The following IGFL2 variants were observed in gnomAD, a reference collection of about 807,000 sequenced individuals.
The protein encoded by IGFL2 is insulin growth factor-like family member 2.
In IGFL2, 7 loss-of-function variants were observed where a neutral mutation model predicts 13.9. That is an observed-to-expected ratio of 0.51 (90% CI 0.29 to 0.95). IGFL2 has a LOEUF of 0.95. IGFL2 is among the 40% of genes least tolerant of loss of function. The probability of loss-of-function intolerance (pLI) is 0.08; values close to 1 mark genes in which losing one functional copy is unlikely to be tolerated. For synonymous variants in IGFL2, 55 were observed against 55.8 expected (o/e 0.99, Z 0.07); for missense variants, 138 against 147.8 (o/e 0.93, Z 0.34).
At chr19:46,164,687 G>T (rs573618005), downstream of IGFL2, 1 of 152,224 alleles carries the variant, frequency 6.6e-6, no homozygotes, top group Non-Finnish European at 1.5e-5. Context: ...TACGTCTTGC[G>T]TGAGGGATAT....
At chr19:46,133,689 G>T in the IGFL2 span, among the ~76,000 whole-genome samples, 2 of 152,166 alleles carry the variant, frequency 1.3e-5, no homozygotes, top group South Asian at 2.1e-4. Flanking sequence ...ATTAGCACAG[G>T]TCTTTGAGTA....
At chr19:46,087,580 C>T in the IGFL2 span, among the ~76,000 whole-genome samples, 1 of 152,224 alleles carries the variant, frequency 6.6e-6, no homozygotes, top group Non-Finnish European at 1.5e-5. Flanking sequence ...AGGAGCTGCA[C>T]TGCGGCCATG....
the IGFL2 span, among the ~76,000 whole-genome samples, chr19:46,192,501 C>A: frequency 2.0e-5 from 3 of 151,222 alleles, no homozygotes; most frequent in Non-Finnish European, 2.9e-5. Flanking sequence ...CTCACTGCAA[C>A]CTCCACCTCC....
the IGFL2 span, among the ~76,000 whole-genome samples, chr19:46,131,834 G>C: frequency 1.4e-4 from 22 of 152,152 alleles, 1 homozygote; most frequent in East Asian, 1.7e-3. Flanking sequence ...AGCTACTCGG[G>C]AGGCTGAAGT....
chr19:46,080,644 G>A, the IGFL2 span, among the ~76,000 whole-genome samples: 2 of 152,232 alleles, frequency 1.3e-5, no homozygotes, highest in African/African-American at 4.8e-5. Flanking sequence ...AGCATTGTGA[G>A]TGTCAAGGGG....
the IGFL2 span, among the ~76,000 whole-genome samples, chr19:46,137,810 G>T: frequency 6.6e-6 from 1 of 152,200 alleles, no homozygotes; most frequent in Non-Finnish European, 1.5e-5. Flanking sequence ...GGTCTATTCT[G>T]TTGTGAATAC....
chr19:46,181,154 C>G, the IGFL2 span: 1 of 152,194 alleles, frequency 6.6e-6, no homozygotes, highest in South Asian at 2.1e-4. Flanking sequence ...CATCTTGCTT[C>G]CAGCCTCACT....
At chr19:46,124,392 A>AAC in the IGFL2 span, 764 of 1,469,558 alleles carry the variant, frequency 5.2e-4, 49 homozygotes, top group African/African-American at 9.7e-3. Context: ...CAAACAAACA[A>AAC]ACAAACAGAG....
At chr19:46,153,130 T>C (rs1206085076) in intron 1 of IGFL2, among the ~76,000 whole-genome samples, 2 of 152,248 alleles carry the variant, frequency 1.3e-5, no homozygotes, top group East Asian at 3.8e-4. Flanking sequence ...TGTAGTTTTT[T>C]TTCCTTGTGA....
the IGFL2 span, chr19:46,195,918 G>T: frequency 2.0e-5 from 3 of 152,358 alleles, no homozygotes; most frequent in Non-Finnish European, 4.4e-5. Context: ...TAACATTGTG[G>T]CTGTGTGAGT....
chr19:46,097,414 T>C, the IGFL2 span, among the ~76,000 whole-genome samples: 4 of 152,346 alleles, frequency 2.6e-5, no homozygotes, highest in East Asian at 3.9e-4. Context: ...TCTTCTTTTT[T>C]AGTCTAGCTA....
At chr19:46,086,206 A>G in the IGFL2 span, among the ~76,000 whole-genome samples, 3 of 152,252 alleles carry the variant, frequency 2.0e-5, no homozygotes, top group Non-Finnish European at 4.4e-5. Context: ...TAAATTTCTC[A>G]TTCATAGCCC....
chr19:46,107,143 C>G, the IGFL2 span, among the ~76,000 whole-genome samples: 1 of 152,100 alleles, frequency 6.6e-6, no homozygotes, highest in African/African-American at 2.4e-5. Context: ...CGTCAATACC[C>G]ACAACAGTTA....
the IGFL2 span, among the ~76,000 whole-genome samples, chr19:46,105,506 T>TA: frequency 6.6e-6 from 1 of 152,078 alleles, no homozygotes; most frequent in Non-Finnish European, 1.5e-5. Flanking sequence ...GAATACAAGT[T>TA]AGATCAGAGA....
In IGFL2 at chr19:46,158,733, T is replaced by G. The variant is rs1568431913; in HGVS notation, c.20-1682T>G. ...ATCCAGATTCTTGATCTTCTTAGGC[T>G]TTGTAAAGGAGGCCAATACCCTTCA... On this transcript the variant is annotated intron_variant, in intron 1 of 3. Transcript: ENST00000377693. Among the ~76,000 whole-genome samples, 4 of 152,120 alleles carry G rather than the reference T, an allele frequency of 2.6e-5. No homozygotes were observed. In the South Asian group the frequency reaches 8.3e-4, roughly 31 times the overall value.
At chr19:46,192,356 A>C in the IGFL2 span, among the ~76,000 whole-genome samples, 1 of 152,076 alleles carries the variant, frequency 6.6e-6, no homozygotes, top group African/African-American at 2.4e-5. Flanking sequence ...TACATTAAAC[A>C]TTGTGGAATT....
the IGFL2 span, among the ~76,000 whole-genome samples, chr19:46,092,721 T>C: frequency 1.3e-5 from 2 of 152,004 alleles, no homozygotes; most frequent in African/African-American, 4.8e-5. Context: ...CCTCAAGTTA[T>C]CCTCCTGCCT....
At chr19:46,082,223 G>C in the IGFL2 span, among the ~76,000 whole-genome samples, 1 of 152,112 alleles carries the variant, frequency 6.6e-6, no homozygotes, top group Non-Finnish European at 1.5e-5. Flanking sequence ...CCATACCTGG[G>C]TCCATGAAGA....
chr19:46,090,732 C>T, the IGFL2 span, among the ~76,000 whole-genome samples: 1 of 152,188 alleles, frequency 6.6e-6, no homozygotes, highest in African/African-American at 2.4e-5. Context: ...TGTCTGTAGC[C>T]CAGGGCCCAG....
Sources: allele counts gnomAD v4.1 joint callset (sites outside exome capture counted in the v4.1 genomes callset), GRCh38; gene constraint gnomAD v4.1.1; transcripts MANE v1.5; gene names NCBI Gene and HGNC (gene_info 2026-07-23, HGNC 2026-07-21).